Variants in DRC3 observed in about 807,000 individuals in gnomAD.
The protein encoded by DRC3 is dynein regulatory complex subunit 3, also known as leucine rich repeat containing 48.
A neutral mutation model predicts 57.6 loss-of-function variants in DRC3; 45 were observed. That is an observed-to-expected ratio of 0.78 (90% CI 0.62 to 1.00). The LOEUF (loss-of-function observed/expected upper bound fraction) is 1.00, where lower values mean the gene tolerates loss of function less well. DRC3 is among the 50% of genes least tolerant of loss of function. The probability of loss-of-function intolerance (pLI) is 0.00; values close to 1 mark genes in which losing one functional copy is unlikely to be tolerated. For synonymous variants in DRC3, 257 were observed against 272.3 expected, an observed-to-expected ratio of 0.94 and a Z score of 0.55; for missense variants, 655 against 675.2, an observed-to-expected ratio of 0.97 and a Z score of 0.33.
chr17:18,006,185 G>A lies in DRC3; in HGVS notation c.1134G>A (p.Glu378=), dbSNP rs1265795382. The change falls in exon 11 of 14, where the codon GAG becomes GAA. Residue 378 remains glutamate (E), a splice_region_variant and synonymous_variant. Transcript: ENST00000399187. ...LEMQLVEQLE[E]TINMFERNIV... ...ACTGTGTTCTTTAACATTTCCAGGA[G>A]ACTATAAACATGTTTGAAAGGAACA... The A allele has an allele frequency of 1.9e-6, 3 of 1,608,594 alleles. No homozygotes were observed. Among genetic ancestry groups the A allele is most frequent in the Middle Eastern group, 1.6e-4 (1 of 6,074 alleles).
intron 3 of DRC3, among the ~76,000 whole-genome samples, chr17:17,979,061 G>T (rs1227303823): frequency 6.6e-6 from 1 of 152,360 alleles, no homozygotes; most frequent in South Asian, 2.1e-4. Context: ...GTGGAGTACA[G>T]TGTTTTATAG....
Position 18,010,946 on chromosome 17 carries a change from T to TTTGTTTG in DRC3, c.1326+3801_1326+3802insGTTTGTT, listed in dbSNP as rs1568544911. The TTTGTTTG allele has an allele frequency of 6.4e-4, 156 of 243,104 alleles. 3 individuals are homozygous for TTTGTTTG. Among genetic ancestry groups the TTTGTTTG allele is most frequent in the Middle Eastern group, 4.7e-3 (3 of 644 alleles). 15.1% of individuals were successfully genotyped at this position (243,104 alleles called of 1,614,324 possible). A position where few individuals can be genotyped will look rare whatever the true frequency, so the allele number is the denominator to read the frequency against. On this transcript the variant is annotated intron_variant, in intron 12 of 13. Transcript: ENST00000399187. The stretch of plus-strand genomic sequence containing the variant: ...GCCTCTCTCAAGGATGAGGTTTTTT[T>TTTGTTTG]TTTGTTTGTTTGTTTGTTTGTTTGT...
At chr17:17,981,380 A>G (rs2042677493) in intron 3 of DRC3, 2 of 188,982 alleles carry the variant, frequency 1.1e-5, no homozygotes, top group Non-Finnish European at 2.4e-5. Context: ...GTGATAGTCC[A>G]GCTGTGGTCA....
chr17:17,981,155 TG>T, intron 3 of DRC3: 1 of 190,884 alleles, frequency 5.2e-6, no homozygotes, highest in Non-Finnish European at 1.2e-5. Context: ...AAAAGAGAGC[TG>T]GGTGTAGAAA....
chr17:17,999,781 G>A (rs28615278), intron 9 of DRC3, among the ~76,000 whole-genome samples: 1,856 of 152,372 alleles, frequency 0.012, 36 homozygotes, highest in African/African-American at 0.041. Flanking sequence ...AAGGCCTGGA[G>A]CAGAGTCAGC....
At chr17:18,006,763 G>A (rs1049662945) in intron 11 of DRC3, 7 of 462,454 alleles carry the variant, frequency 1.5e-5, no homozygotes, top group Non-Finnish European at 2.4e-5. Flanking sequence ...AGGGTGAGAA[G>A]CAGTTAACCC....
chr17:17,978,751 C>T (rs950901523), intron 3 of DRC3, among the ~76,000 whole-genome samples: 1 of 152,122 alleles, frequency 6.6e-6, no homozygotes, highest in Admixed American at 6.5e-5. Context: ...TAAAGGGGCA[C>T]AGAACAGGTG....
chr17:18,013,453 T>G (rs897000468), intron 12 of DRC3, among the ~76,000 whole-genome samples: 1 of 152,288 alleles, frequency 6.6e-6, no homozygotes, highest in African/African-American at 2.4e-5. Context: ...CACAATGGAA[T>G]ACTATTCAGC....
At chr17:17,981,232 GA>G in intron 3 of DRC3, 1 of 264,926 alleles carries the variant, frequency 3.8e-6, no homozygotes, top group Non-Finnish European at 8.3e-6. Context: ...CTTCCTCCAG[GA>G]AAAACAGCAG....
chr17:17,997,157 T>C (rs2043492767), intron 8 of DRC3, among the ~76,000 whole-genome samples: 1 of 152,202 alleles, frequency 6.6e-6, no homozygotes, highest in African/African-American at 2.4e-5. Flanking sequence ...TGAGCATGTC[T>C]GCCTTCTGCT....
At chr17:17,989,698 C>T (rs1197434419) in intron 5 of DRC3, 1 of 152,240 alleles carries the variant, frequency 6.6e-6, no homozygotes, top group Non-Finnish European at 1.5e-5. Flanking sequence ...TCCAGAATGC[C>T]TCCCAGAAGT....
chr17:17,995,136 C>A, intron 8 of DRC3, 25 bp downstream of exon 8: 1 of 1,547,294 alleles, frequency 6.5e-7, no homozygotes, highest in South Asian at 1.1e-5. Flanking sequence ...TCATGGCTGT[C>A]TCAGAGCCTC....
chr17:17,978,415 A>G (rs980835907), intron 3 of DRC3, among the ~76,000 whole-genome samples: 4 of 152,220 alleles, frequency 2.6e-5, no homozygotes, highest in African/African-American at 9.6e-5. Flanking sequence ...AGGCACAGTA[A>G]GTGAAGGCAG....
At chr17:18,006,816 T>C in intron 11 of DRC3, 1 of 637,996 alleles carries the variant, frequency 1.6e-6, no homozygotes, top group Non-Finnish European at 2.6e-6. Flanking sequence ...AAGAGTGTGA[T>C]GGCAGGGGCC....
At chr17:17,996,722 T>G (rs556107741) in intron 8 of DRC3, among the ~76,000 whole-genome samples, 1 of 152,190 alleles carries the variant, frequency 6.6e-6, no homozygotes, top group African/African-American at 2.4e-5. Context: ...CTGGGTTGTT[T>G]CTGCCAGCTG....
chr17:17,997,698 C>A, intron 9 of DRC3, 64 bp downstream of exon 9: 1 of 1,434,594 alleles, frequency 7.0e-7, no homozygotes, highest in Non-Finnish European at 9.3e-7. Context: ...GCTCTTGCCA[C>A]TCCCACTGTA....
rs766718133 is a variant in DRC3, at chr17:18,016,618, G to A, written c.1519G>A (p.Asp507Asn). The change falls in exon 14 of 14, where the codon GAC becomes AAC. Residue 507 changes from aspartate to asparagine, a missense_variant. Asp to Asn is a conservative substitution (Grantham distance 23, BLOSUM62 1). Transcript: ENST00000399187. ...CGTGAAGGAGATCAATCAGTACATC[G>A]ACCACATGCAGAGCGAACTGGACAA... The part of the protein sequence containing the change: ...KRVKEINQYI[D>N]HMQSELDNLE... 152 of 1,613,624 alleles carry A rather than the reference G, an allele frequency of 9.4e-5. 1 individual carries two copies. Among genetic ancestry groups the A allele is most frequent in the Non-Finnish European group, 1.2e-4 (143 of 1,179,826 alleles).
intron 3 of DRC3, among the ~76,000 whole-genome samples, chr17:17,983,054 C>A (rs955980712): frequency 6.6e-6 from 1 of 152,180 alleles, no homozygotes; most frequent in African/African-American, 2.4e-5. Context: ...TTTTTCAGAA[C>A]TCTCCTGGCT....
chr17:18,007,036 C>CCA lies in DRC3; in HGVS notation c.1216_1217insAC (p.Arg406HisfsTer59), dbSNP rs1377598934. On this transcript the variant is annotated frameshift_variant, in exon 12 of 14. Transcript: ENST00000399187. LOFTEE classifies it high-confidence loss of function. Reference sequence around the variant, plus strand: ...CTCGGGGCTGCACGATGGCTCAGTGCCGGGACCTGGAGAATCACCACCACG... The same window carrying CCA: ...CTCGGGGCTGCACGATGGCTCAGTGCCACGGGACCTGGAGAATCACCACCACG... The CCA allele has an allele frequency of 1.9e-6, 3 of 1,608,040 alleles. No individual in the cohort carries two copies. In the Admixed American group the frequency reaches 5.0e-5, roughly 27 times the overall value.
Sources: allele counts gnomAD v4.1 joint callset (sites outside exome capture counted in the v4.1 genomes callset), GRCh38; gene constraint gnomAD v4.1.1; transcripts MANE v1.5; gene names NCBI Gene and HGNC (gene_info 2026-07-23, HGNC 2026-07-21).